Variants in CDH20 observed in about 807,000 individuals in gnomAD.
CDH20 encodes cadherin-20.
Under a neutral mutation model 74.2 loss-of-function variants are expected in CDH20, and 29 were observed. That is an observed-to-expected ratio of 0.39 (90% CI 0.29 to 0.53). CDH20 has a LOEUF of 0.53. Among genes scored for constraint, CDH20 ranks in the 20% least tolerant of loss-of-function variants. The pLI, the probability that CDH20 is intolerant of heterozygous loss-of-function variation, is 0.69. For missense variants in CDH20, 988 were observed against 1,048.3 expected (o/e 0.94, Z 0.79); for synonymous variants, 469 against 405.4 (o/e 1.16, Z -1.88).
At chr18:61,446,504 T>G (rs1362706312) in intron 1 of CDH20, among the ~76,000 whole-genome samples, 1 of 152,202 alleles carries the variant, frequency 6.6e-6, no homozygotes, top group African/African-American at 2.4e-5. Context: ...AGGAATTTCA[T>G]GGCTGCCCTT....
intron 1 of CDH20, among the ~76,000 whole-genome samples, chr18:61,383,602 A>G (rs1244394004): frequency 6.6e-6 from 1 of 152,154 alleles, no homozygotes; most frequent in Non-Finnish European, 1.5e-5. Context: ...AAAATAAAAA[A>G]TACATTCTAA....
At chr18:61,524,216 G>C (rs1423863953) in intron 6 of CDH20, among the ~76,000 whole-genome samples, 1 of 152,070 alleles carries the variant, frequency 6.6e-6, no homozygotes, top group Admixed American at 6.6e-5. Flanking sequence ...TCACGAGGCA[G>C]TAAGGAAGTG....
intron 1 of CDH20, among the ~76,000 whole-genome samples, chr18:61,428,883 G>T (rs1359377083): frequency 6.6e-6 from 1 of 152,206 alleles, no homozygotes; most frequent in Non-Finnish European, 1.5e-5. Context: ...CCTGATACAG[G>T]TTTACGCTAG....
chr18:61,452,036 G>C (rs781150660), intron 1 of CDH20, among the ~76,000 whole-genome samples: 3 of 151,934 alleles, frequency 2.0e-5, no homozygotes, highest in Non-Finnish European at 4.4e-5. Context: ...TTTAGTATCT[G>C]GAAGGACAAA....
chr18:61,516,112 G>A (rs1159998420), intron 6 of CDH20, among the ~76,000 whole-genome samples: 4 of 152,066 alleles, frequency 2.6e-5, no homozygotes, highest in East Asian at 3.9e-4. Context: ...GCACTTATAA[G>A]GTGTTATCAA....
At chr18:61,461,678 A>G (rs888033404) in intron 1 of CDH20, among the ~76,000 whole-genome samples, 1 of 152,174 alleles carries the variant, frequency 6.6e-6, no homozygotes, top group Non-Finnish European at 1.5e-5. Flanking sequence ...TGAAGCAACA[A>G]AGCAGAGGTT....
At position 61,465,707 on chromosome 18, in the gene CDH20, A is replaced by T. The variant is rs536586164; in HGVS notation, c.-152-24695A>T. Among the ~76,000 whole-genome samples the T allele has an allele frequency of 1.4e-4, 21 of 152,322 alleles. No individual in the cohort carries two copies. In the South Asian group the frequency reaches 4.4e-3, roughly 32 times the overall value. ...GAAATGAAGCAAGAAGGTCAACAGCATAGAGGATCAAAGCATCCAGAAAAC... is the reference window on the plus strand; with the variant it reads ...GAAATGAAGCAAGAAGGTCAACAGCTTAGAGGATCAAAGCATCCAGAAAAC... On this transcript the variant is annotated intron_variant, in intron 1 of 11. Coordinates refer to ENST00000262717, the MANE Select transcript of CDH20 (RefSeq NM_031891.4).
At chr18:61,449,720 T>G (rs1909317727) in intron 1 of CDH20, among the ~76,000 whole-genome samples, 1 of 151,900 alleles carries the variant, frequency 6.6e-6, no homozygotes, top group Non-Finnish European at 1.5e-5. Context: ...ACAATATTAT[T>G]TGTGTTGCTT....
At chr18:61,354,048 AAAAAAAG>A (rs767327205) in intron 1 of CDH20, among the ~76,000 whole-genome samples, 2,358 of 151,940 alleles carry the variant, frequency 0.016, 35 homozygotes, top group Middle Eastern at 0.048. Flanking sequence ...TGTCAAAAAA[AAAAAAAG>A]AAAAAGAAAA....
At chr18:61,418,169 T>G (rs1346336574) in intron 1 of CDH20, among the ~76,000 whole-genome samples, 2 of 152,160 alleles carry the variant, frequency 1.3e-5, no homozygotes, top group Non-Finnish European at 2.9e-5. Context: ...TTAAAACATC[T>G]TTGGAACCTA....
At chr18:61,365,354 C>T (rs1910822282) in intron 1 of CDH20, among the ~76,000 whole-genome samples, 1 of 152,158 alleles carries the variant, frequency 6.6e-6, no homozygotes, top group East Asian at 1.9e-4. Context: ...CTGTCTGCCT[C>T]TATATTAAAT....
At chr18:61,423,484 C>T (rs185093774) in intron 1 of CDH20, among the ~76,000 whole-genome samples, 13 of 152,226 alleles carry the variant, frequency 8.5e-5, no homozygotes, top group Middle Eastern at 3.4e-3. Flanking sequence ...GGGCCAAGGC[C>T]CTATCTTACC....
intron 1 of CDH20, among the ~76,000 whole-genome samples, chr18:61,456,059 A>G (rs1431253260): frequency 6.6e-6 from 1 of 152,186 alleles, no homozygotes; most frequent in Non-Finnish European, 1.5e-5. Context: ...GAACTCTCAT[A>G]ACCCTATCAT....
At chr18:61,456,456 G>T (rs535850417) in intron 1 of CDH20, among the ~76,000 whole-genome samples, 30 of 152,172 alleles carry the variant, frequency 2.0e-4, no homozygotes, top group African/African-American at 7.0e-4. Flanking sequence ...AATGCTTAAA[G>T]GACTTCTAAT....
chr18:61,373,594 G>T (rs1383585279), intron 1 of CDH20, among the ~76,000 whole-genome samples: 1 of 152,094 alleles, frequency 6.6e-6, no homozygotes, highest in African/African-American at 2.4e-5. Context: ...CCATATGTGT[G>T]TATGGGACCA....
chr18:61,499,127 A>G (rs1568165156), intron 2 of CDH20, 59 bp from the exon 3 acceptor site: 19 of 1,328,274 alleles, frequency 1.4e-5, no homozygotes, highest in Non-Finnish European at 2.0e-5. Flanking sequence ...CTGAAAATCA[A>G]TGTGTTTTCT....
intron 10 of CDH20, 101 bp from the exon 11 acceptor site, chr18:61,549,877 C>T: frequency 8.1e-7 from 1 of 1,240,718 alleles, no homozygotes. Flanking sequence ...TCTGACTATC[C>T]TCTTTCCTTC....
At position 61,546,644 on chromosome 18, in the gene CDH20, G is replaced by C. The variant is rs150322549; in HGVS notation, c.1648+1500G>C. 5.2e-3 allele frequency among the ~76,000 whole-genome samples: 799 copies of C among 152,290 alleles called. 11 individuals carry two copies. Among genetic ancestry groups the C allele is most frequent in the African/African-American group, 0.018 (755 of 41,554 alleles). ...ATTTTTTCTTCAACTGTTCAGCTAA[G>C]CTATCATTCTAATGAGTGAAACAAA... On this transcript the variant is annotated intron_variant, in intron 10 of 11. Coordinates refer to ENST00000262717, the MANE Select transcript of CDH20 (RefSeq NM_031891.4).
chr18:61,354,144 A>C (rs1910412031), intron 1 of CDH20, among the ~76,000 whole-genome samples: 1 of 152,168 alleles, frequency 6.6e-6, no homozygotes, highest in Non-Finnish European at 1.5e-5. Context: ...CAGGGCTGTT[A>C]ACTCCCACAC....
Sources: allele counts gnomAD v4.1 joint callset (sites outside exome capture counted in the v4.1 genomes callset), GRCh38; gene constraint gnomAD v4.1.1; transcripts MANE v1.5; gene names NCBI Gene and HGNC (gene_info 2026-07-23, HGNC 2026-07-21).